Variants in CERS6 observed in about 807,000 individuals in gnomAD.
The protein encoded by CERS6 is LAG1 homolog, ceramide synthase 6.
In CERS6, 26 loss-of-function variants were observed where a neutral mutation model predicts 56.8. That is an observed-to-expected ratio of 0.46 (90% CI 0.34 to 0.63). The LOEUF (loss-of-function observed/expected upper bound fraction) is 0.63. Ranked by LOEUF, CERS6 falls within the 30% of genes least tolerant of loss-of-function variation. The pLI, the probability that CERS6 is intolerant of heterozygous loss-of-function variation, is 0.01. For synonymous variants in CERS6, 164 were observed against 173.3 expected (o/e 0.95, Z 0.42); for missense variants, 415 against 467.5 (o/e 0.89, Z 1.04).
chr2:168,543,590 C>T (rs775387374), intron 1 of CERS6, among the ~76,000 whole-genome samples: 33 of 152,232 alleles, frequency 2.2e-4, no homozygotes, highest in Non-Finnish European at 3.7e-4. Context: ...ATGTGATTCA[C>T]GCCTTTTTTT....
At chr2:168,504,769 G>A (rs1420466975) in intron 1 of CERS6, among the ~76,000 whole-genome samples, 1 of 152,080 alleles carries the variant, frequency 6.6e-6, no homozygotes, top group African/African-American at 2.4e-5. Flanking sequence ...CTAGTGCAAG[G>A]GACTATGAAT....
chr2:168,473,069 GATCT>G (rs780038210), intron 1 of CERS6, among the ~76,000 whole-genome samples: 13 of 151,952 alleles, frequency 8.6e-5, no homozygotes, highest in Non-Finnish European at 1.8e-4. Flanking sequence ...TCTGTCTTTG[GATCT>G]ATCTTTTGTT....
chr2:168,654,368 AC>A (rs1685418862), intron 4 of CERS6, among the ~76,000 whole-genome samples: 1 of 151,874 alleles, frequency 6.6e-6, no homozygotes, highest in Admixed American at 6.6e-5. Flanking sequence ...ACATGGTGAA[AC>A]CCCATCTCTA....
chr2:168,579,271 T>C (rs992970175), intron 3 of CERS6, among the ~76,000 whole-genome samples: 9 of 152,060 alleles, frequency 5.9e-5, no homozygotes, highest in African/African-American at 2.2e-4. Context: ...GCCCGTGGAG[T>C]TGGGGGGGCA....
intron 1 of CERS6, among the ~76,000 whole-genome samples, chr2:168,480,919 G>A (rs1694165848): frequency 6.6e-6 from 1 of 152,204 alleles, no homozygotes; most frequent in Admixed American, 6.5e-5. Flanking sequence ...AGTAGCATGG[G>A]GAGTCCATGT....
intron 4 of CERS6, among the ~76,000 whole-genome samples, chr2:168,633,558 A>G (rs1392044281): frequency 1.3e-5 from 2 of 152,208 alleles, no homozygotes; most frequent in Non-Finnish European, 2.9e-5. Context: ...TAACCTCAGC[A>G]TGATTTCTGA....
At chr2:168,681,026 A>G (rs1686202170) in intron 4 of CERS6, among the ~76,000 whole-genome samples, 2 of 152,228 alleles carry the variant, frequency 1.3e-5, no homozygotes, top group African/African-American at 4.8e-5. Context: ...TTGCATCTTC[A>G]TGTCCAGCCC....
At chr2:168,457,176 G>A (rs895594639) in intron 1 of CERS6, among the ~76,000 whole-genome samples, 12 of 152,202 alleles carry the variant, frequency 7.9e-5, no homozygotes, top group Admixed American at 7.2e-4. Flanking sequence ...TCGCTGTTTG[G>A]TTTTTATCCG....
chr2:168,711,357 C>G (rs1687084173), intron 6 of CERS6, among the ~76,000 whole-genome samples: 1 of 152,200 alleles, frequency 6.6e-6, no homozygotes. Context: ...TTAGTAAAGA[C>G]TTAAAGTATT....
At chr2:168,764,435 C>T (rs1030993691) in intron 8 of CERS6, among the ~76,000 whole-genome samples, 11 of 152,174 alleles carry the variant, frequency 7.2e-5, no homozygotes, top group African/African-American at 2.4e-4. Context: ...AGCCACGGCA[C>T]CCAGACTGCA....
rs955650041 is a variant in CERS6, at chr2:168,460,187, C to CT, written c.170+3579dup. Among the ~76,000 whole-genome samples, 195 of 148,902 alleles carry CT rather than the reference C, an allele frequency of 1.3e-3. 1 individual carries two copies. Among genetic ancestry groups the CT allele is most frequent in the African/African-American group, 4.4e-3 (177 of 40,664 alleles). ...ATGAAACTTTGAAGCGGCTGAATGTCTTTTTTTTTTCTTTTCTTTTTTTTT... is the reference window on the plus strand; with the variant it reads ...ATGAAACTTTGAAGCGGCTGAATGTCTTTTTTTTTTTCTTTTCTTTTTTTTT... On this transcript the variant is annotated intron_variant, in intron 1 of 9. Coordinates refer to ENST00000305747, the MANE Select transcript of CERS6 (RefSeq NM_203463.3).
intron 3 of CERS6, among the ~76,000 whole-genome samples, chr2:168,627,631 GT>G (rs34768130): frequency 0.96 from 140,095 of 145,226 alleles, 67,620 homozygotes; most frequent in Non-Finnish European, 0.98. Flanking sequence ...GAACACTGAA[GT>G]TTTTTTTTTT....
intron 1 of CERS6, among the ~76,000 whole-genome samples, chr2:168,515,188 A>G (rs1365172267): frequency 6.6e-6 from 1 of 152,212 alleles, no homozygotes; most frequent in African/African-American, 2.4e-5. Flanking sequence ...TCAGTTGTCT[A>G]TATTTTAAGA....
intron 1 of CERS6, among the ~76,000 whole-genome samples, chr2:168,468,994 T>C (rs903675107): frequency 6.6e-6 from 1 of 152,236 alleles, no homozygotes; most frequent in Non-Finnish European, 1.5e-5. Context: ...GACAGACATT[T>C]ATTGATTTCT....
chr2:168,483,441 G>A (rs770294882), intron 1 of CERS6, among the ~76,000 whole-genome samples: 11 of 152,038 alleles, frequency 7.2e-5, no homozygotes, highest in Non-Finnish European at 1.6e-4. Flanking sequence ...GGAGGTTGAG[G>A]GAGGGCCAAT....
intron 1 of CERS6, among the ~76,000 whole-genome samples, chr2:168,466,119 GT>G (rs67602425): frequency 1 from 152,030 of 152,030 alleles, 76,015 homozygotes; most frequent in Non-Finnish European, 1. Flanking sequence ...TAGAAGGAAG[GT>G]TTTTAAACCC....
chr2:168,623,040 A>G (rs1684510289), intron 3 of CERS6, among the ~76,000 whole-genome samples: 1 of 152,202 alleles, frequency 6.6e-6, no homozygotes, highest in Non-Finnish European at 1.5e-5. Flanking sequence ...TCCCCAGTTG[A>G]TGAACATCTC....
chr2:168,556,588 A>G (rs1281368953), intron 2 of CERS6, among the ~76,000 whole-genome samples: 1 of 152,204 alleles, frequency 6.6e-6, no homozygotes, highest in Non-Finnish European at 1.5e-5. Context: ...ATTGGAAAGT[A>G]GGTGACAAAA....
intron 3 of CERS6, among the ~76,000 whole-genome samples, chr2:168,581,028 T>C (rs1486429900): frequency 1.3e-5 from 2 of 151,862 alleles, no homozygotes; most frequent in African/African-American, 2.4e-5. Flanking sequence ...CTATCTTTTT[T>C]TTTTTTTTGA....
Sources: gnomAD v4.1 joint callset for allele counts (sites outside exome capture counted in the v4.1 genomes callset) on GRCh38, gnomAD v4.1.1 for gene constraint, MANE v1.5 for transcripts, NCBI Gene and HGNC (gene_info 2026-07-23, HGNC 2026-07-21) for gene names.